Variants in CKAP5 observed in about 807,000 individuals in gnomAD.
CKAP5 encodes the protein cytoskeleton associated protein 5, also known as cytoskeleton-associated protein 5.
In CKAP5, 27 loss-of-function variants were observed where a neutral mutation model predicts 232.8. The ratio of observed to expected loss-of-function variants is 0.12; its 90% confidence interval spans 0.09 to 0.16. CKAP5 has a LOEUF of 0.16. Among genes scored for constraint, CKAP5 ranks in the 10% least tolerant of loss-of-function variants. The pLI is 1.00. For missense variants in CKAP5, 1,838 were observed against 2,424.7 expected (o/e 0.76, Z 5.08); for synonymous variants, 785 against 841.1 (o/e 0.93, Z 1.16).
Position 46,748,532 on chromosome 11 carries a change from T to C in CKAP5, c.5704+1742A>G, listed in dbSNP as rs2065038716. Reference sequence around the variant, plus strand: ...GCTCACGCCTGTAATCCCGGAACTTTGGGAGGCCGAAGTGGGCGGATCACG... The same window carrying C: ...GCTCACGCCTGTAATCCCGGAACTTCGGGAGGCCGAAGTGGGCGGATCACG... On this transcript the variant is annotated intron_variant, in intron 42 of 43. Transcript: ENST00000529230. 2.6e-5 allele frequency among the ~76,000 whole-genome samples: 4 copies of C among 152,068 alleles called. No individual in the cohort carries two copies. In the South Asian group the frequency reaches 8.3e-4, roughly 32 times the overall value.
rs1397139182 is a variant in CKAP5, at chr11:46,751,382, G to A, written c.5286C>T (p.Thr1762=). 6 of 1,613,932 alleles carry A rather than the reference G, an allele frequency of 3.7e-6. No homozygotes were observed. The African/African-American group carries it at 5.3e-5, about 14-fold the overall frequency. The change falls in exon 39 of 44, where the codon ACC becomes ACT. Residue 1762 remains threonine, a synonymous_variant. Coordinates refer to ENST00000529230, the MANE Select transcript of CKAP5 (RefSeq NM_001008938.4). ...KSEFPIRTLK[T]LLHTLCKLKG... ...TTAATTTGCATAAGGTGTGTAGCAG[G>A]GTCTTTAGGGTCCTTATGGGAAATT...
intron 1 of CKAP5, among the ~76,000 whole-genome samples, chr11:46,827,912 G>C (rs988221386): frequency 6.6e-6 from 1 of 152,158 alleles, no homozygotes; most frequent in African/African-American, 2.4e-5. Context: ...CTGAATCCTA[G>C]TTTACAAGGT....
chr11:46,752,193 TAC>T lies in CKAP5; in HGVS notation c.5133+440_5133+441del, dbSNP rs1156472710. On this transcript the variant is annotated intron_variant, in intron 38 of 43. Coordinates refer to ENST00000529230, the MANE Select transcript of CKAP5 (RefSeq NM_001008938.4). ...ATATATATATATATATATATATATA[TAC>T]ACACACACACACACACACACACACA... 2.1e-3 allele frequency among the ~76,000 whole-genome samples: 141 copies of T among 66,412 alleles called. 1 individual carries two copies. Among genetic ancestry groups the T allele is most frequent in the African/African-American group, 5.6e-3 (109 of 19,472 alleles). 43.6% of individuals were successfully genotyped at this position (66,412 alleles called of 152,430 possible).
At chr11:46,772,195 T>C (rs543886713) in intron 24 of CKAP5, among the ~76,000 whole-genome samples, 1 of 152,254 alleles carries the variant, frequency 6.6e-6, no homozygotes, top group African/African-American at 2.4e-5. Flanking sequence ...GTTCTTTATA[T>C]ATTCTAGATA....
chr11:46,779,413 G>C (rs748563839), intron 20 of CKAP5, among the ~76,000 whole-genome samples: 1 of 151,932 alleles, frequency 6.6e-6, no homozygotes, highest in Non-Finnish European at 1.5e-5. Flanking sequence ...GATTACAGGC[G>C]TGAGCCACCA....
chr11:46,759,074 C>A, intron 34 of CKAP5, 31 bp from the exon 35 acceptor site: 1 of 1,609,632 alleles, frequency 6.2e-7, no homozygotes, highest in Non-Finnish European at 8.5e-7. Context: ...AAAACTTCAA[C>A]CTCTATTACA....
At chr11:46,835,090 A>T (rs1036193602) in intron 1 of CKAP5, among the ~76,000 whole-genome samples, 6 of 152,080 alleles carry the variant, frequency 3.9e-5, no homozygotes, top group African/African-American at 1.4e-4. Context: ...ATCTTGTAGC[A>T]GTGCCTTCTT....
Position 46,783,301 on chromosome 11 carries a change from T to C in CKAP5, c.2222A>G (p.Asn741Ser), listed in dbSNP as rs757230964. The C allele has an allele frequency of 6.2e-7, 1 of 1,612,006 alleles. No homozygotes were observed. Among genetic ancestry groups the C allele is most frequent in the Non-Finnish European group, 8.5e-7 (1 of 1,178,768 alleles). Residue 741 changes from asparagine to serine, a missense_variant, in exon 18 of 44, where the codon AAT (asparagine) becomes AGT (serine). Around this residue, in one of 6 missense-constraint regions of CKAP5, gnomAD observed 767 missense variants for 954.6 expected, o/e 0.80. Coordinates refer to ENST00000529230, the MANE Select transcript of CKAP5 (RefSeq NM_001008938.4). ...AGAAAAACCAAATTCTTTTATGGCA[T>C]TTGATAGCCAATTCAGAGTTTCTGA... ...NQSETLNWLS[N>S]AIKEFGFSGL...
At position 46,744,255 on chromosome 11, in the gene CKAP5, C is replaced by G; in HGVS notation, c.5867G>C (p.Arg1956Pro). The G allele has an allele frequency of 6.2e-7, 1 of 1,613,950 alleles. No individual in the cohort carries two copies. Among genetic ancestry groups the G allele is most frequent in the Non-Finnish European group, 8.5e-7 (1 of 1,180,008 alleles). The change falls in exon 44 of 44, where the codon CGA becomes CCA. Residue 1956 changes from arginine (R) to proline (P), a missense_variant. Around this residue, in one of 6 missense-constraint regions of CKAP5, gnomAD observed 579 missense variants for 843.2 expected, o/e 0.69. Coordinates refer to ENST00000529230, the MANE Select transcript of CKAP5 (RefSeq NM_001008938.4). Reference protein sequence around the residue: ...CGLDNTKQDDRPPLTSLLSKP... With the variant: ...CGLDNTKQDDPPPLTSLLSKP... ...GGAGAGCAAAGAGGTCAAAGGAGGT[C>G]GGTCATCTTGCTATTGAGAGAAGGA...
At chr11:46,827,259 T>C (rs984954253) in intron 1 of CKAP5, among the ~76,000 whole-genome samples, 2 of 152,194 alleles carry the variant, frequency 1.3e-5, no homozygotes, top group Admixed American at 6.5e-5. Flanking sequence ...GCTTACTTCA[T>C]TAACCTCCTT....
chr11:46,838,617 CAAAAAAAAAAAAAA>C (rs56117525), intron 1 of CKAP5, among the ~76,000 whole-genome samples: 1 of 45,052 alleles, frequency 2.2e-5, no homozygotes, highest in Non-Finnish European at 3.8e-5. Context: ...CTTGCCTCTT[CAAAAAAAAAAAAAA>C]AAAAAAAAAA....
At position 46,777,481 on chromosome 11, in the gene CKAP5, T is replaced by G; in HGVS notation, c.2820A>C (p.Lys940Asn). The G allele has an allele frequency of 6.2e-7, 1 of 1,613,932 alleles. No individual in the cohort carries two copies. Among genetic ancestry groups the G allele is most frequent in the Non-Finnish European group, 8.5e-7 (1 of 1,179,804 alleles). Residue 940 changes from lysine to asparagine, a missense_variant, in exon 23 of 44, where the codon AAA becomes AAC. Transcript: ENST00000529230. ...CTGTGATGATAGGGATGCCTAAATT[T>G]TTTACATGTTGCTTAATATTTGGGC... is the stretch of plus-strand genomic sequence containing the variant. ...AMGPNIKQHV[K>N]NLGIPIITVL...
intron 9 of CKAP5, 98 bp downstream of exon 9, chr11:46,801,102 C>A: frequency 1.3e-6 from 1 of 765,390 alleles, no homozygotes; most frequent in South Asian, 1.5e-5. Context: ...AGTATATACA[C>A]ATCTATGCCA....
intron 1 of CKAP5, among the ~76,000 whole-genome samples, chr11:46,822,056 C>A (rs954451636): frequency 1.2e-4 from 18 of 151,752 alleles, no homozygotes; most frequent in African/African-American, 4.1e-4. Flanking sequence ...TAAAGTCACT[C>A]AAAAAATATA....
rs747599311 is a variant in CKAP5 at position 46,798,165 on chromosome 11, G to C, written c.1091C>G (p.Pro364Arg). The C allele has an allele frequency of 4.3e-6, 7 of 1,612,102 alleles. No individual in the cohort carries two copies. Among genetic ancestry groups the C allele is most frequent in the Non-Finnish European group, 5.9e-6 (7 of 1,178,514 alleles). Reference protein sequence around the residue: ...KFGQYAGHVVPTILEKFKEKK... With the variant: ...KFGQYAGHVVRTILEKFKEKK... ...CTCTTTGAATTTCTCCAAGATGGTTGGCACAACCTGTAAAAGTGAATGGCT... is the reference window on the plus strand; with the variant it reads ...CTCTTTGAATTTCTCCAAGATGGTTCGCACAACCTGTAAAAGTGAATGGCT... Residue 364 changes from proline to arginine, a missense_variant, in exon 10 of 44, where the codon CCA (proline) becomes CGA (arginine). By Grantham distance (103) the Pro-to-Arg change is moderately radical. This residue lies in a region of CKAP5 where 97 missense variants were observed against 167.7 expected (regional missense o/e 0.58). Coordinates refer to ENST00000529230, the MANE Select transcript of CKAP5 (RefSeq NM_001008938.4).
intron 7 of CKAP5, 26 bp from the exon 8 acceptor site, chr11:46,808,170 G>GT (rs772977055): frequency 2.2e-6 from 3 of 1,389,482 alleles, no homozygotes; most frequent in Non-Finnish European, 3.1e-6. Context: ...TGAGTCATTT[G>GT]TAACAGGAAA....
At chr11:46,792,020 T>A (rs1938739850) in intron 13 of CKAP5, among the ~76,000 whole-genome samples, 1 of 152,234 alleles carries the variant, frequency 6.6e-6, no homozygotes, top group African/African-American at 2.4e-5. Flanking sequence ...AATGGAAACC[T>A]GTAATACTTA....
At chr11:46,781,303 C>A (rs980834567) in intron 18 of CKAP5, among the ~76,000 whole-genome samples, 1 of 152,236 alleles carries the variant, frequency 6.6e-6, no homozygotes, top group Non-Finnish European at 1.5e-5. Context: ...TCCACTTCTA[C>A]AATCTATGTC....
At chr11:46,811,577 G>T (rs923991729) in intron 4 of CKAP5, among the ~76,000 whole-genome samples, 1 of 152,050 alleles carries the variant, frequency 6.6e-6, no homozygotes, top group Non-Finnish European at 1.5e-5. Flanking sequence ...CCTGAGTTCA[G>T]GTGATTCTCC....
Sources: gnomAD v4.1 joint callset for allele counts (sites outside exome capture counted in the v4.1 genomes callset) on GRCh38, gnomAD v4.1.1 for gene constraint, gnomAD v4.1.1 regional missense constraint, MANE v1.5 for transcripts, NCBI Gene and HGNC (gene_info 2026-07-23, HGNC 2026-07-21) for gene names.